DGCR2: variants seen among roughly 807,000 people sequenced by gnomAD.
DGCR2 encodes integral membrane protein DGCR2/IDD.
A neutral mutation model predicts 51.6 loss-of-function variants in DGCR2; 24 were observed. The observed-to-expected ratio is 0.47, with a 90% CI of 0.34 to 0.65. The LOEUF is 0.65. Among genes scored for constraint, DGCR2 ranks in the 30% least tolerant of loss-of-function variants. The pLI is 0.01. For missense variants in DGCR2, 765 were observed against 772.1 expected (o/e 0.99, Z 0.11); for synonymous variants, 340 against 315.4 (o/e 1.08, Z -0.82).
intron 1 of DGCR2, among the ~76,000 whole-genome samples, chr22:19,091,309 T>G (rs1362431304): frequency 3.9e-5 from 6 of 152,166 alleles, no homozygotes; most frequent in Non-Finnish European, 7.3e-5. Flanking sequence ...CAGTGAGCTA[T>G]AATCGTGCTA....
chr22:19,054,946 T>C (rs1480855921), intron 6 of DGCR2, among the ~76,000 whole-genome samples: 4 of 152,054 alleles, frequency 2.6e-5, no homozygotes, highest in Non-Finnish European at 4.4e-5. Flanking sequence ...TGAAACGCCA[T>C]CTCTACTAAA....
chr22:19,089,576 ATTTG>A (rs139201016), intron 1 of DGCR2, 86 bp from the exon 2 acceptor site: 202 of 1,328,514 alleles, frequency 1.5e-4, no homozygotes, highest in South Asian at 5.2e-4. Context: ...ATCTCTTCCC[ATTTG>A]TTTGTTTGTT....
At chr22:19,101,071 A>G (rs993793740) in intron 1 of DGCR2, among the ~76,000 whole-genome samples, 1 of 152,174 alleles carries the variant, frequency 6.6e-6, no homozygotes, top group African/African-American at 2.4e-5. Context: ...AGACTGCGCC[A>G]TTGTACTCCA....
At position 19,041,003 on chromosome 22, in the gene DGCR2, C is replaced by A. The variant is rs534255765; in HGVS notation, c.1396+55G>T. On this transcript the variant is annotated intron_variant, in intron 9 of 9. Transcript: ENST00000263196. Reference sequence around the variant, plus strand: ...AGCTGGGCAAGAGTGCTGGGCTCAGCCCCACGTGCCAGGTTACTTGACAAG... The same window carrying A: ...AGCTGGGCAAGAGTGCTGGGCTCAGACCCACGTGCCAGGTTACTTGACAAG... 1.0e-5 allele frequency: 15 copies of A among 1,461,670 alleles called. No individual in the cohort carries two copies. The Admixed American group carries it at 2.1e-4, about 20-fold the overall frequency. 90.5% of individuals were successfully genotyped at this position (1,461,670 alleles called of 1,614,324 possible). A position where few individuals can be genotyped will look rare whatever the true frequency, so the allele number is the denominator to read the frequency against.
chr22:19,101,558 C>T (rs1188029358), intron 1 of DGCR2, among the ~76,000 whole-genome samples: 2 of 151,444 alleles, frequency 1.3e-5, no homozygotes, highest in South Asian at 2.1e-4. Flanking sequence ...CTGGCCAACA[C>T]GGTGAAACCC....
intron 2 of DGCR2, among the ~76,000 whole-genome samples, chr22:19,083,636 C>G (rs912600113): frequency 4.6e-5 from 7 of 151,906 alleles, no homozygotes; most frequent in African/African-American, 1.7e-4. Context: ...AAATTTTACA[C>G]ATCTTTTGTT....
chr22:19,063,100 CCCT>C, intron 5 of DGCR2, 99 bp downstream of exon 5: 3 of 1,118,260 alleles, frequency 2.7e-6, no homozygotes, highest in Non-Finnish European at 4.0e-6. Context: ...TGCACAGCAC[CCCT>C]ACGGGCCAGG....
rs2082385320 is a variant in DGCR2, at chr22:19,037,656, T to C, written c.*1209A>G. ...ATCCAGACATTCAACGTAGAAAAGA[T>C]ATGGATGTGCTAAAAATCGCACAGA... is the stretch of plus-strand genomic sequence containing the variant. On this transcript the variant is annotated 3_prime_UTR_variant, in exon 10 of 10. Transcript: ENST00000263196. 6.6e-6 allele frequency: 1 copy of C among 152,136 alleles called. No homozygotes were observed. The highest frequency in any genetic ancestry group is 2.4e-5 in the African/African-American group (1 of 41,404). 9.4% of individuals were successfully genotyped at this position (152,136 alleles called of 1,614,324 possible).
At chr22:19,062,775 G>GCTCGCTCTCTCTCTCTCTCTCTCTCTCT (rs1491258740) in intron 5 of DGCR2, among the ~76,000 whole-genome samples, 1 of 108,860 alleles carries the variant, frequency 9.2e-6, no homozygotes, top group Non-Finnish European at 1.9e-5. Flanking sequence ...ACACATGCAT[G>GCTCGCTCTCTCTCTCTCTCTCTCTCTCT]CTCACTCTCT....
intron 6 of DGCR2, among the ~76,000 whole-genome samples, chr22:19,051,750 A>G (rs1289607985): frequency 6.6e-6 from 1 of 152,214 alleles, no homozygotes; most frequent in Non-Finnish European, 1.5e-5. Context: ...AAACGATGCA[A>G]AGAGAAAACG....
intron 6 of DGCR2, among the ~76,000 whole-genome samples, chr22:19,051,790 C>T (rs569426098): frequency 1.3e-5 from 2 of 152,132 alleles, no homozygotes; most frequent in Non-Finnish European, 2.9e-5. Flanking sequence ...AGAGAATATA[C>T]AGATGGCAAA....
chr22:19,089,827 T>C (rs1252357827), intron 1 of DGCR2, among the ~76,000 whole-genome samples: 1 of 152,242 alleles, frequency 6.6e-6, no homozygotes, highest in Non-Finnish European at 1.5e-5. Context: ...GTGATCTGCC[T>C]GCCTCGGCCT....
chr22:19,095,963 G>T (rs2146024575), intron 1 of DGCR2, among the ~76,000 whole-genome samples: 1 of 152,186 alleles, frequency 6.6e-6, no homozygotes, highest in East Asian at 1.9e-4. Context: ...CCATACAGGA[G>T]CTAGGTCCTT....
chr22:19,080,303 C>T (rs752717023), intron 2 of DGCR2, among the ~76,000 whole-genome samples: 4 of 152,168 alleles, frequency 2.6e-5, no homozygotes, highest in Admixed American at 2.0e-4. Context: ...ACAATGCAAA[C>T]CACATTTCAA....
At chr22:19,106,036 C>T (rs918400023) in intron 1 of DGCR2, among the ~76,000 whole-genome samples, 10 of 152,088 alleles carry the variant, frequency 6.6e-5, no homozygotes, top group African/African-American at 2.4e-4. Flanking sequence ...ACCCCTGTAG[C>T]TTCCTGGAAC....
intron 1 of DGCR2, among the ~76,000 whole-genome samples, chr22:19,102,481 T>A (rs1447308542): frequency 1.3e-5 from 2 of 152,054 alleles, no homozygotes; most frequent in Non-Finnish European, 2.9e-5. Context: ...GGTGGGTGGA[T>A]CATGAGGTCA....
intron 5 of DGCR2, among the ~76,000 whole-genome samples, chr22:19,062,754 TG>T (rs2082682795): frequency 2.2e-5 from 3 of 137,284 alleles, no homozygotes; most frequent in Non-Finnish European, 3.3e-5. Flanking sequence ...ATAAAATCTT[TG>T]CGCACACACA....
rs2082554605 is a variant in DGCR2 at position 19,052,124 on chromosome 22, AAC to A, written c.803-3483_803-3482del. 2.6e-5 allele frequency among the ~76,000 whole-genome samples: 4 copies of A among 152,200 alleles called. No homozygotes were observed. The South Asian group carries it at 8.3e-4, about 32-fold the overall frequency. On this transcript the variant is annotated intron_variant, in intron 6 of 9. Coordinates refer to ENST00000263196, the MANE Select transcript of DGCR2 (RefSeq NM_005137.3). ...TGGGCATCTATCACACAGAAGTGAA[AAC>A]ACATTTGCAGCCAGGCGTGGTGGCT... is the stretch of plus-strand genomic sequence containing the variant.
intron 3 of DGCR2, 74 bp downstream of exon 3, chr22:19,068,026 T>C (rs552706693): frequency 1.0e-5 from 15 of 1,472,918 alleles, no homozygotes; most frequent in South Asian, 1.4e-5. Flanking sequence ...CGCAGCACAG[T>C]AGTGCTGGAA....
Sources: gnomAD v4.1 joint callset for allele counts (sites outside exome capture counted in the v4.1 genomes callset) on GRCh38, gnomAD v4.1.1 for gene constraint, MANE v1.5 for transcripts, NCBI Gene and HGNC (gene_info 2026-07-23, HGNC 2026-07-21) for gene names.